Variants in FRY observed in about 807,000 individuals in gnomAD.
FRY encodes the protein FRY microtubule binding protein.
Under a neutral mutation model 348.4 loss-of-function variants are expected in FRY, and 128 were observed. The ratio of observed to expected loss-of-function variants is 0.37; its 90% CI spans 0.32 to 0.43. FRY has a LOEUF of 0.43. Among genes scored for constraint, FRY ranks in the 20% least tolerant of loss-of-function variants. The pLI is 1.00. For missense variants in FRY, 2,736 were observed against 3,695.2 expected (o/e 0.74, Z 6.73); for synonymous variants, 1,370 against 1,374.7 (o/e 1.00, Z 0.08).
intron 1 of FRY, among the ~76,000 whole-genome samples, chr13:32,076,666 TC>T (rs2138518959): frequency 6.6e-6 from 1 of 152,284 alleles, no homozygotes; most frequent in Non-Finnish European, 1.5e-5. Flanking sequence ...TTCCCAGGAA[TC>T]CCTTTAAGAC....
chr13:32,285,096 G>T (rs1357071389), intron 58 of FRY, among the ~76,000 whole-genome samples: 2 of 152,006 alleles, frequency 1.3e-5, no homozygotes, highest in African/African-American at 4.8e-5. Flanking sequence ...GCAGGAAGGG[G>T]GCTTGAAGAA....
At chr13:32,073,011 A>T (rs1342922993) in intron 1 of FRY, among the ~76,000 whole-genome samples, 1 of 152,240 alleles carries the variant, frequency 6.6e-6, no homozygotes, top group African/African-American at 2.4e-5. Flanking sequence ...ATATAATCCC[A>T]GGAGCACTTA....
chr13:32,208,884 C>CA lies in FRY; in HGVS notation c.4052dup (p.Asn1351LysfsTer44). 1 of 1,614,158 alleles carries CA rather than the reference C, an allele frequency of 6.2e-7. No individual in the cohort carries two copies. ...GCCAGCGATTCCCCACAACACACCCCAACGGGCGCCAGATCATGCTTACCT... is the reference window on the plus strand; with the variant it reads ...GCCAGCGATTCCCCACAACACACCCCAAACGGGCGCCAGATCATGCTTACCT... On this transcript the variant is annotated frameshift_variant, in exon 32 of 61. Coordinates refer to ENST00000542859, the MANE Select transcript of FRY (RefSeq NM_023037.3). LOFTEE classifies it high-confidence loss of function.
At chr13:32,176,877 A>G (rs1882391064) in intron 20 of FRY, among the ~76,000 whole-genome samples, 2 of 152,228 alleles carry the variant, frequency 1.3e-5, no homozygotes, top group Admixed American at 1.3e-4. Context: ...TGGTGAGATC[A>G]GCATTATAAT....
intron 3 of FRY, among the ~76,000 whole-genome samples, chr13:32,105,620 A>G (rs1364261437): frequency 2.6e-5 from 4 of 152,210 alleles, no homozygotes; most frequent in Non-Finnish European, 5.9e-5. Flanking sequence ...TCTATGGGAA[A>G]AGAATATGCT....
chr13:32,198,787 T>G (rs1283860772), intron 29 of FRY, among the ~76,000 whole-genome samples: 2 of 152,154 alleles, frequency 1.3e-5, no homozygotes, highest in Non-Finnish European at 2.9e-5. Context: ...CCCACCAAAC[T>G]TAGACTGTGT....
intron 1 of FRY, among the ~76,000 whole-genome samples, chr13:32,037,365 T>C (rs1872567607): frequency 6.6e-6 from 1 of 152,186 alleles, no homozygotes; most frequent in South Asian, 2.1e-4. Flanking sequence ...ATATATTGTT[T>C]TTCTGTTTAG....
At position 32,289,705 on chromosome 13, in the gene FRY, C is replaced by T. The variant is rs1301344049; in HGVS notation, c.8542C>T (p.Leu2848Phe). ...LLLLFQSYCK[L>F]IGQVHEVSSM... ...ATTGCTTTTTCAGTCCTACTGTAAGCTCATCGGCCAGGTGCACGAAGTTAG... is the reference window on the plus strand; with the variant it reads ...ATTGCTTTTTCAGTCCTACTGTAAGTTCATCGGCCAGGTGCACGAAGTTAG... The change falls in exon 59 of 61, where the codon CTC (leucine) becomes TTC (phenylalanine). Residue 2848 changes from leucine (L) to phenylalanine (F), a missense_variant. Around this residue, in one of 9 missense-constraint regions of FRY, gnomAD observed 157 missense variants for 215.2 expected, o/e 0.73. Coordinates refer to ENST00000542859, the MANE Select transcript of FRY (RefSeq NM_023037.3). The T allele has an allele frequency of 3.1e-6, 5 of 1,612,360 alleles. No individual in the cohort carries two copies. In the South Asian group the frequency reaches 4.4e-5, roughly 14 times the overall value.
chr13:32,223,997 A>G (rs1442347040), intron 36 of FRY, among the ~76,000 whole-genome samples: 1 of 152,096 alleles, frequency 6.6e-6, no homozygotes, highest in Non-Finnish European at 1.5e-5. Flanking sequence ...TCAGCCTCCC[A>G]AAGTGCTGGG....
chr13:32,055,702 G>T (rs1873587381), intron 1 of FRY, among the ~76,000 whole-genome samples: 1 of 152,158 alleles, frequency 6.6e-6, no homozygotes, highest in Non-Finnish European at 1.5e-5. Context: ...AAGACTGAGG[G>T]CAACAGAAAG....
chr13:32,044,769 C>A (rs1872931520), intron 1 of FRY, among the ~76,000 whole-genome samples: 1 of 152,208 alleles, frequency 6.6e-6, no homozygotes, highest in African/African-American at 2.4e-5. Context: ...AAGAGAAATG[C>A]ATCTTTTGCC....
intron 20 of FRY, among the ~76,000 whole-genome samples, chr13:32,177,690 C>A (rs1436605098): frequency 1.3e-5 from 2 of 152,052 alleles, no homozygotes; most frequent in African/African-American, 4.8e-5. Flanking sequence ...TTGTGCTTAG[C>A]CATCTCTCTA....
At chr13:32,094,657 G>GT (rs984687115) in intron 2 of FRY, among the ~76,000 whole-genome samples, 4 of 152,108 alleles carry the variant, frequency 2.6e-5, no homozygotes, top group African/African-American at 9.7e-5. Flanking sequence ...ATGACCTCCA[G>GT]TTCCATCCAT....
At position 32,265,327 on chromosome 13, in the gene FRY, C is replaced by T. The variant is rs907425376; in HGVS notation, c.7780-123C>T. The T allele has an allele frequency of 1.1e-5, 10 of 926,926 alleles. No homozygotes were observed. The East Asian group carries it at 2.5e-4, about 23-fold the overall frequency. 57.4% of individuals were successfully genotyped at this position (926,926 alleles called of 1,614,324 possible). A position where few individuals can be genotyped will look rare whatever the true frequency, so the allele number is the denominator to read the frequency against. Reference sequence around the variant, plus strand: ...AACGGACTATACTGTAGCTAGAAAACAAATGTCCCCATTTCTATCACCATC... The same window carrying T: ...AACGGACTATACTGTAGCTAGAAAATAAATGTCCCCATTTCTATCACCATC... On this transcript the variant is annotated intron_variant, in intron 53 of 60. Coordinates refer to ENST00000542859, the MANE Select transcript of FRY (RefSeq NM_023037.3).
intron 2 of FRY, among the ~76,000 whole-genome samples, chr13:32,083,575 G>A (rs767429620): frequency 5.3e-5 from 8 of 152,066 alleles, no homozygotes; most frequent in East Asian, 1.9e-4. Flanking sequence ...TCTCCAGCAC[G>A]GTTTTGCTTT....
chr13:32,214,824 C>G (rs531133117), intron 35 of FRY, among the ~76,000 whole-genome samples: 1 of 152,180 alleles, frequency 6.6e-6, no homozygotes, highest in Non-Finnish European at 1.5e-5. Flanking sequence ...TGTTAACACA[C>G]CTCAGGAGTG....
At chr13:32,129,383 A>T (rs2138745770) in intron 7 of FRY, among the ~76,000 whole-genome samples, 1 of 152,334 alleles carries the variant, frequency 6.6e-6, no homozygotes, top group South Asian at 2.1e-4. Context: ...TACCAAATAG[A>T]TTTTTGTAAA....
intron 13 of FRY, 75 bp from the exon 14 acceptor site, chr13:32,149,673 T>C (rs750704020): frequency 2.4e-6 from 2 of 845,740 alleles, no homozygotes; most frequent in Admixed American, 1.9e-5. Flanking sequence ...GCTTGGTGCA[T>C]ATTGATGAAA....
intron 1 of FRY, among the ~76,000 whole-genome samples, chr13:32,059,022 G>C (rs552943989): frequency 2.0e-5 from 3 of 152,310 alleles, no homozygotes; most frequent in South Asian, 2.1e-4. Context: ...TAAGGTTACT[G>C]TGAGGACTTA....
Sources: allele counts gnomAD v4.1 joint callset (sites outside exome capture counted in the v4.1 genomes callset), GRCh38; gene constraint gnomAD v4.1.1; regional missense constraint gnomAD v4.1.1; transcripts MANE v1.5; gene names NCBI Gene and HGNC (gene_info 2026-07-23, HGNC 2026-07-21).